The following IMMP2L variants were observed in gnomAD, a reference collection of about 807,000 sequenced individuals.
IMMP2L encodes the protein inner mitochondrial membrane peptidase subunit 2, also known as mitochondrial inner membrane protease subunit 2.
In IMMP2L, 18 loss-of-function variants were observed where a neutral mutation model predicts 19.3. That is an observed-to-expected ratio of 0.93 (90% CI 0.64 to 1.38). The LOEUF (loss-of-function observed/expected upper bound fraction) is 1.38, where lower values mean the gene tolerates loss of function less well. Ranked by LOEUF, IMMP2L falls within the 40% of genes most tolerant of loss-of-function variation. The probability of loss-of-function intolerance (pLI) is 0.00; values close to 1 mark genes in which losing one functional copy is unlikely to be tolerated. For missense variants in IMMP2L, 233 were observed against 218.2 expected, an observed-to-expected ratio of 1.07 and a Z score of -0.43; for synonymous variants, 76 against 73.0, an observed-to-expected ratio of 1.04 and a Z score of -0.21.
intron 5 of IMMP2L, among the ~76,000 whole-genome samples, chr7:110,840,389 TA>T (rs1044742541): frequency 6.6e-6 from 1 of 152,128 alleles, no homozygotes; most frequent in African/African-American, 2.4e-5. Context: ...GATGATCTAT[TA>T]AGGCTCTATA....
intron 5 of IMMP2L, among the ~76,000 whole-genome samples, chr7:110,883,641 T>C (rs1809917169): frequency 6.6e-6 from 1 of 152,140 alleles, no homozygotes; most frequent in Non-Finnish European, 1.5e-5. Context: ...AAAATACATT[T>C]ATACATCTTA....
At chr7:111,207,054 T>G (rs1745672933) in intron 3 of IMMP2L, among the ~76,000 whole-genome samples, 1 of 152,224 alleles carries the variant, frequency 6.6e-6, no homozygotes, top group African/African-American at 2.4e-5. Flanking sequence ...TGATTTAACC[T>G]TGGAAGTGTC....
chr7:111,376,220 G>GT (rs1234726892), intron 3 of IMMP2L, among the ~76,000 whole-genome samples: 2 of 151,814 alleles, frequency 1.3e-5, no homozygotes, highest in Non-Finnish European at 2.9e-5. Flanking sequence ...AAGTTTTTTG[G>GT]TAAAAAAAAT....
At chr7:111,149,201 G>T (rs920643377) in intron 3 of IMMP2L, among the ~76,000 whole-genome samples, 14 of 152,102 alleles carry the variant, frequency 9.2e-5, no homozygotes, top group Non-Finnish European at 1.9e-4. Flanking sequence ...ATTACAGCTT[G>T]GGATATAATT....
chr7:111,194,120 C>T (rs1809205535), intron 3 of IMMP2L, among the ~76,000 whole-genome samples: 1 of 152,146 alleles, frequency 6.6e-6, no homozygotes, highest in South Asian at 2.1e-4. Context: ...CAACTTCTGC[C>T]TTGGGGCACA....
chr7:110,982,412 T>C (rs1821395703), intron 3 of IMMP2L, among the ~76,000 whole-genome samples: 1 of 152,162 alleles, frequency 6.6e-6, no homozygotes. Flanking sequence ...TGAGTCCATA[T>C]TGCATAAGTG....
intron 5 of IMMP2L, among the ~76,000 whole-genome samples, chr7:110,859,696 T>C (rs1346403541): frequency 2.0e-5 from 3 of 151,450 alleles, no homozygotes; most frequent in Non-Finnish European, 2.9e-5. Context: ...TGAGCTGAGA[T>C]TGTGCCACTG....
chr7:111,007,931 T>A (rs1162097977), intron 3 of IMMP2L, among the ~76,000 whole-genome samples: 1 of 152,106 alleles, frequency 6.6e-6, no homozygotes, highest in Non-Finnish European at 1.5e-5. Context: ...AGTATCTCCA[T>A]CCTTCCGGGT....
At chr7:110,818,535 C>A (rs1802744681) in intron 5 of IMMP2L, among the ~76,000 whole-genome samples, 1 of 152,104 alleles carries the variant, frequency 6.6e-6, no homozygotes, top group Admixed American at 6.5e-5. Context: ...ACTAGTTCAA[C>A]CATTGTGGAA....
At chr7:111,496,201 G>A (rs887284999) in intron 2 of IMMP2L, among the ~76,000 whole-genome samples, 1 of 152,092 alleles carries the variant, frequency 6.6e-6, no homozygotes, top group Non-Finnish European at 1.5e-5. Flanking sequence ...TTCTTCCCTT[G>A]CTATTCAGGG....
intron 3 of IMMP2L, among the ~76,000 whole-genome samples, chr7:111,387,181 G>A (rs1831846746): frequency 6.6e-6 from 1 of 152,122 alleles, no homozygotes; most frequent in Non-Finnish European, 1.5e-5. Context: ...CACAGGATTT[G>A]AGGCTTTTTT....
intron 3 of IMMP2L, among the ~76,000 whole-genome samples, chr7:111,152,320 C>A (rs141839157): frequency 6.6e-6 from 1 of 152,062 alleles, no homozygotes; most frequent in African/African-American, 2.4e-5. Flanking sequence ...ACTGCATTAC[C>A]GTTATTTAAA....
chr7:110,779,178 G>C (rs1224294576), intron 5 of IMMP2L, among the ~76,000 whole-genome samples: 1 of 151,858 alleles, frequency 6.6e-6, no homozygotes, highest in Non-Finnish European at 1.5e-5. Context: ...CTGGCCATAA[G>C]AGTCATTTTA....
Position 111,485,379 on chromosome 7 carries a change from T to C in IMMP2L, c.239+1859A>G, listed in dbSNP as rs866103068. On this transcript the variant is annotated intron_variant, in intron 3 of 5. Transcript: ENST00000405709. Reference sequence around the variant, plus strand: ...CTTTGGGAGGCCGAGGTGGATAGATTATGAGGTCAGGAGATCAAGACCATC... The same window carrying C: ...CTTTGGGAGGCCGAGGTGGATAGATCATGAGGTCAGGAGATCAAGACCATC... 3.2e-4 allele frequency among the ~76,000 whole-genome samples: 48 copies of C among 151,814 alleles called. No homozygotes were observed. The Middle Eastern group carries it at 0.01, about 32-fold the overall frequency.
At chr7:111,125,947 A>G (rs1172350214) in intron 3 of IMMP2L, among the ~76,000 whole-genome samples, 1 of 150,074 alleles carries the variant, frequency 6.7e-6, no homozygotes, top group Non-Finnish European at 1.5e-5. Flanking sequence ...CTCAACCTCC[A>G]GAGTAGCTGG....
Position 111,129,484 on chromosome 7 carries a change from A to G in IMMP2L, c.240-165919T>C, listed in dbSNP as rs1775669333. On this transcript the variant is annotated intron_variant, in intron 3 of 5. Coordinates refer to ENST00000405709, the MANE Select transcript of IMMP2L (RefSeq NM_032549.4). ...TAAGGGTCCCAAAAGGATATTTTGC[A>G]ATCAATTAAACAGAAAAGACTACAA... 2.0e-5 allele frequency among the ~76,000 whole-genome samples: 3 copies of G among 151,790 alleles called. No individual in the cohort carries two copies. In the South Asian group the frequency reaches 6.2e-4, roughly 31 times the overall value.
chr7:111,054,804 G>C (rs2129573653), intron 3 of IMMP2L, among the ~76,000 whole-genome samples: 1 of 152,224 alleles, frequency 6.6e-6, no homozygotes, highest in African/African-American at 2.4e-5. Flanking sequence ...TCTCCACTGG[G>C]AAAGTCTTCG....
chr7:111,516,715 T>G (rs1259438212), intron 2 of IMMP2L, among the ~76,000 whole-genome samples: 1 of 152,128 alleles, frequency 6.6e-6, no homozygotes. Context: ...AATGACAGGT[T>G]ACAGAACTAT....
intron 5 of IMMP2L, among the ~76,000 whole-genome samples, chr7:110,869,543 T>C (rs1416677585): frequency 2.6e-5 from 4 of 152,102 alleles, no homozygotes; most frequent in Admixed American, 2.0e-4. Flanking sequence ...GACAAAACTA[T>C]AGGCCCCTAT....
Sources: gnomAD v4.1 joint callset for allele counts (sites outside exome capture counted in the v4.1 genomes callset) on GRCh38, gnomAD v4.1.1 for gene constraint, MANE v1.5 for transcripts, NCBI Gene and HGNC (gene_info 2026-07-23, HGNC 2026-07-21) for gene names.